NKAIN2: variants seen among roughly 807,000 people sequenced by gnomAD.
The protein encoded by NKAIN2 is sodium/potassium-transporting ATPase subunit beta-1-interacting protein 2.
In NKAIN2, 14 loss-of-function variants were observed where a neutral mutation model predicts 32.6. The ratio of observed to expected loss-of-function variants is 0.43; its 90% CI spans 0.28 to 0.67. The LOEUF (loss-of-function observed/expected upper bound fraction) is 0.67, where lower values mean the gene tolerates loss of function less well. Ranked by LOEUF, NKAIN2 falls within the 30% of genes least tolerant of loss-of-function variation. The pLI, the probability that NKAIN2 is intolerant of heterozygous loss-of-function variation, is 0.17. For synonymous variants in NKAIN2, 80 were observed against 87.2 expected (o/e 0.92, Z 0.46); for missense variants, 198 against 258.3 (o/e 0.77, Z 1.60).
chr6:124,623,988 A>ATGTACTGTGATTGGTTAGCT (rs1403712932), intron 3 of NKAIN2, among the ~76,000 whole-genome samples: 1 of 151,992 alleles, frequency 6.6e-6, no homozygotes, highest in Non-Finnish European at 1.5e-5. Flanking sequence ...TAGGGGAAGA[A>ATGTACTGTGATTGGTTAGCT]TGTACTGTGA....
chr6:124,739,894 C>A (rs936134258), intron 4 of NKAIN2, among the ~76,000 whole-genome samples: 2 of 151,770 alleles, frequency 1.3e-5, no homozygotes, highest in African/African-American at 4.8e-5. Flanking sequence ...CATGTTCTGG[C>A]AGGGGGAAGG....
chr6:124,716,402 A>C (rs1024912565), intron 4 of NKAIN2, among the ~76,000 whole-genome samples: 1 of 152,278 alleles, frequency 6.6e-6, no homozygotes, highest in East Asian at 1.9e-4. Flanking sequence ...TGGCATGGAG[A>C]GCATAAAAAC....
chr6:124,462,693 T>C (rs1483906281), intron 3 of NKAIN2, among the ~76,000 whole-genome samples: 1 of 152,044 alleles, frequency 6.6e-6, no homozygotes, highest in Non-Finnish European at 1.5e-5. Flanking sequence ...TTTTTTACTT[T>C]GTAATACTAT....
At chr6:123,883,440 C>T (rs1367172882) in intron 1 of NKAIN2, among the ~76,000 whole-genome samples, 1 of 149,202 alleles carries the variant, frequency 6.7e-6, no homozygotes, top group African/African-American at 2.5e-5. Context: ...CCACTGCACC[C>T]GGCGTGAGTG....
At chr6:124,635,543 T>G (rs1783742224) in intron 3 of NKAIN2, among the ~76,000 whole-genome samples, 1 of 152,096 alleles carries the variant, frequency 6.6e-6, no homozygotes, top group Non-Finnish European at 1.5e-5. Context: ...AACTATCTGC[T>G]GCCTACAAGA....
At chr6:123,859,386 A>G (rs1358743085) in intron 1 of NKAIN2, among the ~76,000 whole-genome samples, 1 of 152,138 alleles carries the variant, frequency 6.6e-6, no homozygotes, top group East Asian at 1.9e-4. Context: ...TCATATTGCA[A>G]TGAGACCATT....
At chr6:124,260,905 A>G (rs2753137) in intron 1 of NKAIN2, among the ~76,000 whole-genome samples, 54,444 of 152,002 alleles carry the variant, frequency 0.36, 12,310 homozygotes, top group African/African-American at 0.64. Flanking sequence ...TAACTTCTAC[A>G]TTTGTACTTA....
chr6:124,006,860 T>G (rs1780099751), intron 1 of NKAIN2, among the ~76,000 whole-genome samples: 1 of 152,160 alleles, frequency 6.6e-6, no homozygotes, highest in South Asian at 2.1e-4. Context: ...CCTGTTGAAG[T>G]AAACAAAAGT....
At chr6:124,539,299 T>G (rs1779826250) in intron 3 of NKAIN2, among the ~76,000 whole-genome samples, 1 of 152,168 alleles carries the variant, frequency 6.6e-6, no homozygotes, top group Non-Finnish European at 1.5e-5. Context: ...CAAACACTCC[T>G]TTGGAAACCA....
At chr6:124,750,639 T>C (rs1777669781) in intron 4 of NKAIN2, among the ~76,000 whole-genome samples, 1 of 152,014 alleles carries the variant, frequency 6.6e-6, no homozygotes, top group Admixed American at 6.6e-5. Context: ...TATATCATTC[T>C]GGCTGTGTTG....
At chr6:123,859,170 A>G (rs1401812067) in intron 1 of NKAIN2, among the ~76,000 whole-genome samples, 2 of 152,198 alleles carry the variant, frequency 1.3e-5, no homozygotes, top group Admixed American at 1.3e-4. Flanking sequence ...AAGAAATTCA[A>G]TCACAAATAG....
chr6:124,175,329 A>G (rs965157729), intron 1 of NKAIN2, among the ~76,000 whole-genome samples: 2 of 152,316 alleles, frequency 1.3e-5, no homozygotes, highest in South Asian at 2.1e-4. Context: ...AAAAAGAACA[A>G]TATTATGCTT....
At chr6:123,945,231 C>CTTTGG (rs1777009171) in intron 1 of NKAIN2, among the ~76,000 whole-genome samples, 1 of 151,992 alleles carries the variant, frequency 6.6e-6, no homozygotes, top group Non-Finnish European at 1.5e-5. Flanking sequence ...TCTGGGTTTA[C>CTTTGG]CAAAGCCTCT....
intron 3 of NKAIN2, among the ~76,000 whole-genome samples, chr6:124,456,681 AAT>A (rs1166143715): frequency 3.9e-5 from 6 of 151,908 alleles, no homozygotes; most frequent in African/African-American, 1.2e-4. Flanking sequence ...ATACTTTATT[AAT>A]ATGAGATCTT....
intron 1 of NKAIN2, among the ~76,000 whole-genome samples, chr6:124,278,726 A>G (rs1444569453): frequency 1.4e-5 from 2 of 146,844 alleles, no homozygotes; most frequent in Non-Finnish European, 3.0e-5. Context: ...AAATATATAT[A>G]TAGCACAAAG....
chr6:124,208,000 G>T (rs1056334649), intron 1 of NKAIN2, among the ~76,000 whole-genome samples: 1 of 151,764 alleles, frequency 6.6e-6, no homozygotes, highest in South Asian at 2.1e-4. Context: ...ACTTGCTTTT[G>T]AAGAATGTAC....
chr6:124,438,265 G>GT (rs200714666), intron 3 of NKAIN2, among the ~76,000 whole-genome samples: 7,199 of 151,690 alleles, frequency 0.047, 288 homozygotes, highest in Non-Finnish European at 0.067. Flanking sequence ...CTTCTATAAT[G>GT]TTTTTTTTCC....
intron 1 of NKAIN2, among the ~76,000 whole-genome samples, chr6:123,804,638 C>A (rs1187319722): frequency 6.6e-6 from 1 of 152,134 alleles, no homozygotes; most frequent in Non-Finnish European, 1.5e-5. Context: ...TTGGACTTTT[C>A]TTCTCTATAC....
At chr6:124,492,034 T>C (rs1777883319) in intron 3 of NKAIN2, among the ~76,000 whole-genome samples, 1 of 151,884 alleles carries the variant, frequency 6.6e-6, no homozygotes. Flanking sequence ...TTAAAAAGAA[T>C]GAGATTCAAA....
Sources: gnomAD v4.1 joint callset for allele counts (sites outside exome capture counted in the v4.1 genomes callset) on GRCh38, gnomAD v4.1.1 for gene constraint, MANE v1.5 for transcripts, NCBI Gene and HGNC (gene_info 2026-07-23, HGNC 2026-07-21) for gene names.